Variants in PRKAR1B observed in about 807,000 individuals in gnomAD.
The protein encoded by PRKAR1B is protein kinase cAMP-dependent type I regulatory subunit beta.
A neutral mutation model predicts 46.5 loss-of-function variants in PRKAR1B; 22 were observed. The observed-to-expected ratio is 0.47, with a 90% CI of 0.34 to 0.68. The LOEUF is 0.68. Ranked by LOEUF, PRKAR1B falls within the 30% of genes least tolerant of loss-of-function variation. The probability of loss-of-function intolerance (pLI) is 0.01; values close to 1 mark genes in which losing one functional copy is unlikely to be tolerated. For missense variants in PRKAR1B, 445 were observed against 535.6 expected (o/e 0.83, Z 1.67); for synonymous variants, 259 against 217.7 (o/e 1.19, Z -1.67).
chr7:576,275 C>T (rs1350905107), intron 9 of PRKAR1B, among the ~76,000 whole-genome samples: 1 of 152,122 alleles, frequency 6.6e-6, no homozygotes, highest in Admixed American at 6.5e-5. Flanking sequence ...TGGGGTCACT[C>T]CCCTCTCGGG....
intron 1 of PRKAR1B, among the ~76,000 whole-genome samples, chr7:724,576 T>C (rs1781183980): frequency 6.6e-6 from 1 of 152,250 alleles, no homozygotes; most frequent in Non-Finnish European, 1.5e-5. Context: ...GTCTCGGCCA[T>C]GTCTTTATTA....
intron 4 of PRKAR1B, among the ~76,000 whole-genome samples, chr7:611,418 C>T (rs1300436909): frequency 6.6e-6 from 1 of 152,244 alleles, no homozygotes; most frequent in East Asian, 1.9e-4. Context: ...GCCAGTGGTG[C>T]TGGGTCAGGA....
chr7:715,982 TG>T (rs1278926083), intron 1 of PRKAR1B, among the ~76,000 whole-genome samples: 9 of 152,136 alleles, frequency 5.9e-5, no homozygotes, highest in African/African-American at 7.2e-5. Context: ...CCCAAAGTGC[TG>T]GGATTACAGG....
rs757327115 is a variant in PRKAR1B at position 550,484 on chromosome 7, C to A, written c.1092G>T (p.Glu364Asp). The A allele has an allele frequency of 6.3e-7, 1 of 1,598,964 alleles. No homozygotes were observed. Among genetic ancestry groups the A allele is most frequent in the Admixed American group, 1.7e-5 (1 of 58,090 alleles). The change falls in exon 11 of 11, where the codon GAG becomes GAT. Residue 364 changes from glutamate (E) to aspartate (D), a missense_variant. Glu to Asp is a conservative substitution (Grantham distance 45). This residue lies in a region of PRKAR1B where 127 missense variants were observed against 138.0 expected (regional missense o/e 0.92). Transcript: ENST00000537384. ...RFERVLGPCS[E>D]ILKRNIQRYN... Reference sequence around the variant, plus strand: ...AACGCTGAATGTTCCTCTTGAGGATCTCAGAGCAGGGCCCCAGCACACGCT... The same window carrying A: ...AACGCTGAATGTTCCTCTTGAGGATATCAGAGCAGGGCCCCAGCACACGCT...
intron 9 of PRKAR1B, among the ~76,000 whole-genome samples, chr7:577,573 C>T (rs1044299851): frequency 6.6e-6 from 1 of 152,186 alleles, no homozygotes; most frequent in Non-Finnish European, 1.5e-5. Context: ...CCCGGGGCCA[C>T]CTGGGGAGGG....
intron 4 of PRKAR1B, among the ~76,000 whole-genome samples, chr7:662,442 A>C (rs550143641): frequency 1.6e-3 from 56 of 36,120 alleles, no homozygotes; most frequent in Admixed American, 3.1e-3. Context: ...CTCTCCCCCC[A>C]GTGCCACAAG....
At chr7:608,611 A>C (rs1376180199) in intron 4 of PRKAR1B, 5 of 52,560 alleles carry the variant, frequency 9.5e-5, no homozygotes, top group African/African-American at 2.5e-4. Flanking sequence ...AGTGTGTGGC[A>C]GGGCTGTAGG....
chr7:573,614 C>T (rs912131974), intron 9 of PRKAR1B, among the ~76,000 whole-genome samples: 4 of 152,198 alleles, frequency 2.6e-5, no homozygotes, highest in African/African-American at 4.8e-5. Flanking sequence ...CCCAAGATCA[C>T]GAAAATCAGC....
chr7:575,281 C>G (rs1201908049), intron 9 of PRKAR1B, among the ~76,000 whole-genome samples: 1 of 152,234 alleles, frequency 6.6e-6, no homozygotes, highest in East Asian at 1.9e-4. Flanking sequence ...CTGGCTGAGG[C>G]TGGGGCTGCG....
At chr7:556,198 G>C (rs909801208) in intron 9 of PRKAR1B, among the ~76,000 whole-genome samples, 2 of 152,008 alleles carry the variant, frequency 1.3e-5, no homozygotes, top group African/African-American at 4.8e-5. Context: ...GCTCAGGTGG[G>C]GGCATTCGTG....
At chr7:621,921 C>T (rs961004339) in intron 4 of PRKAR1B, among the ~76,000 whole-genome samples, 7 of 152,230 alleles carry the variant, frequency 4.6e-5, no homozygotes, top group Non-Finnish European at 7.3e-5. Flanking sequence ...GTTCCAAACC[C>T]CATGCAGCCG....
intron 2 of PRKAR1B, among the ~76,000 whole-genome samples, chr7:685,318 G>GTA (rs1491531000): frequency 1.1e-4 from 4 of 37,934 alleles, no homozygotes; most frequent in Non-Finnish European, 1.8e-4. Context: ...GTATATATAC[G>GTA]TATATATACG....
chr7:603,985 C>G (rs966108313), intron 6 of PRKAR1B, among the ~76,000 whole-genome samples: 1 of 152,148 alleles, frequency 6.6e-6, no homozygotes, highest in African/African-American at 2.4e-5. Context: ...AGTCAGGAAG[C>G]TGCCCATCCC....
chr7:699,001 G>A (rs900509188), intron 2 of PRKAR1B, among the ~76,000 whole-genome samples: 5 of 152,220 alleles, frequency 3.3e-5, no homozygotes, highest in Admixed American at 2.0e-4. Context: ...AGCCTTGCAG[G>A]GCAAAGGCGG....
intron 4 of PRKAR1B, 132 bp from the exon 5 acceptor site, chr7:607,584 T>C: frequency 2.4e-6 from 2 of 819,096 alleles, no homozygotes; most frequent in Non-Finnish European, 4.0e-6. Flanking sequence ...CCATGAGAGT[T>C]CAAAGAAGAA....
At position 714,940 on chromosome 7, in the gene PRKAR1B, C is replaced by G. The variant is rs543557905; in HGVS notation, c.-22-3413G>C. On this transcript the variant is annotated intron_variant, in intron 1 of 10. Coordinates refer to ENST00000537384, the MANE Select transcript of PRKAR1B (RefSeq NM_001164760.2). The surrounding 1 kb of genome is among the most constrained non-coding windows in gnomAD (Gnocchi z 4.3). ...GTGGTTCACACCTGTAATCCCAGCA[C>G]TTTGGGAGGCCGAGGCAGGTGGGTC... Among the ~76,000 whole-genome samples the G allele has an allele frequency of 6.6e-6, 1 of 152,168 alleles. No homozygotes were observed. The highest frequency in any genetic ancestry group is 1.5e-5 in the Non-Finnish European group (1 of 68,030).
intron 9 of PRKAR1B, among the ~76,000 whole-genome samples, chr7:561,265 C>CA (rs1778780945): frequency 6.6e-6 from 1 of 151,862 alleles, no homozygotes; most frequent in Non-Finnish European, 1.5e-5. Flanking sequence ...CACAGGCACA[C>CA]ACGCCTGTGC....
chr7:556,069 G>GA (rs1404536100), intron 9 of PRKAR1B, among the ~76,000 whole-genome samples: 1 of 152,128 alleles, frequency 6.6e-6, no homozygotes, highest in African/African-American at 2.4e-5. Flanking sequence ...TGGCCAGCAC[G>GA]AATTTTGCTT....
intron 4 of PRKAR1B, among the ~76,000 whole-genome samples, chr7:671,846 G>A (rs546942204): frequency 1.2e-4 from 19 of 152,294 alleles, no homozygotes; most frequent in African/African-American, 4.3e-4. Context: ...GCCTGGAACG[G>A]GCCCCAGGCC....
Sources: allele counts gnomAD v4.1 joint callset (sites outside exome capture counted in the v4.1 genomes callset), GRCh38; gene constraint gnomAD v4.1.1; regional missense constraint gnomAD v4.1.1; non-coding constraint Gnocchi (gnomAD v3.1); transcripts MANE v1.5; gene names NCBI Gene and HGNC (gene_info 2026-07-23, HGNC 2026-07-21).